ADCY10: variants seen among roughly 807,000 people sequenced by gnomAD.
ADCY10 encodes adenylate cyclase 10.
ADCY10 carries 156 observed loss-of-function variants against 183.3 expected under a neutral mutation model. The observed-to-expected ratio is 0.85, with a 90% CI of 0.75 to 0.97. The LOEUF is 0.97. ADCY10 is among the 50% of genes least tolerant of loss of function. The pLI is 0.00. For missense variants in ADCY10, 1,745 were observed against 1,934.3 expected (o/e 0.90, Z 1.84); for synonymous variants, 645 against 670.0 (o/e 0.96, Z 0.58).
At chr1:167,818,909 A>G (rs530894602) in intron 30 of ADCY10, among the ~76,000 whole-genome samples, 12 of 152,306 alleles carry the variant, frequency 7.9e-5, no homozygotes, top group Non-Finnish European at 1.2e-4. Context: ...GCTTGAAGAA[A>G]TTGTTCCAAT....
intron 8 of ADCY10, among the ~76,000 whole-genome samples, chr1:167,893,078 G>C (rs1668711105): frequency 6.6e-6 from 1 of 152,206 alleles, no homozygotes; most frequent in African/African-American, 2.4e-5. Flanking sequence ...AAATTTGAGA[G>C]AACCAAGATT....
At chr1:167,902,387 T>C (rs1315048815) in intron 3 of ADCY10, among the ~76,000 whole-genome samples, 1 of 152,190 alleles carries the variant, frequency 6.6e-6, no homozygotes, top group Non-Finnish European at 1.5e-5. Flanking sequence ...TATTGATCAA[T>C]ATATGTTATA....
intron 14 of ADCY10, among the ~76,000 whole-genome samples, chr1:167,865,605 G>C (rs1461304671): frequency 6.6e-6 from 1 of 152,124 alleles, no homozygotes; most frequent in Non-Finnish European, 1.5e-5. Flanking sequence ...ATAAAATGGT[G>C]TTTAGCTTTC....
intron 1 of ADCY10, among the ~76,000 whole-genome samples, chr1:167,908,833 T>A (rs1269108280): frequency 6.6e-6 from 1 of 152,236 alleles, no homozygotes; most frequent in East Asian, 1.9e-4. Flanking sequence ...TTAGAGTTTT[T>A]AACAAAATCA....
In ADCY10 at chr1:167,832,976, C is replaced by A. The variant is rs201009937; in HGVS notation, c.3593+11G>T. Reference sequence around the variant, plus strand: ...ACTAAACAGTCTGCTCTCCCCAGCTCCTTCCCTTACCCTGGAGGTGGGCTC... The same window carrying A: ...ACTAAACAGTCTGCTCTCCCCAGCTACTTCCCTTACCCTGGAGGTGGGCTC... On this transcript the variant is annotated intron_variant, in intron 25 of 32. Transcript: ENST00000367851. 1.9e-6 allele frequency: 3 copies of A among 1,613,274 alleles called. No homozygotes were observed. The highest frequency in any genetic ancestry group is 2.5e-6 in the Non-Finnish European group (3 of 1,179,788).
Position 167,826,052 on chromosome 1 carries a change from G to A in ADCY10, c.3751-1197C>T, listed in dbSNP as rs535797629. On this transcript the variant is annotated intron_variant, in intron 26 of 32. Transcript: ENST00000367851. ...GTCGGGGAAGTGTTTTAGAGTAGAG[G>A]CTTTTTTCTTGGAATTCCTCAGATG... Among the ~76,000 whole-genome samples, 26 of 152,314 alleles carry A rather than the reference G, an allele frequency of 1.7e-4. 2 individuals are homozygous for A. The South Asian group carries it at 5.0e-3, about 29-fold the overall frequency.
chr1:167,859,941 G>C (rs776269295), intron 15 of ADCY10, 48 bp from the exon 16 acceptor site: 1 of 1,391,426 alleles, frequency 7.2e-7, no homozygotes, highest in South Asian at 1.2e-5. Flanking sequence ...ATAGCAAAGG[G>C]AACTACTGGC....
Position 167,836,507 on chromosome 1 carries a change from GA to G in ADCY10, c.3110del (p.Phe1037SerfsTer6). 6.2e-7 allele frequency: 1 copy of G among 1,613,232 alleles called. No individual in the cohort carries two copies. Among genetic ancestry groups the G allele is most frequent in the African/African-American group, 1.3e-5 (1 of 75,038 alleles). ...PEEIREKILN[F>X]FDHVLTKMKT... ...TCATTTTTGTTAAAACGTGGTCAAA[GA>G]AATTCAAGATCTTTTCTCTTATTTC... is the stretch of plus-strand genomic sequence containing the variant. On this transcript the variant is annotated frameshift_variant, in exon 23 of 33. Transcript: ENST00000367851. LOFTEE classifies it high-confidence loss of function.
At chr1:167,854,829 A>G (rs1041103469) in intron 17 of ADCY10, among the ~76,000 whole-genome samples, 1 of 152,146 alleles carries the variant, frequency 6.6e-6, no homozygotes, top group African/African-American at 2.4e-5. Context: ...TAATTTAAAC[A>G]GAGAGAGGGG....
At chr1:167,820,491 C>T in intron 30 of ADCY10, 1 of 392,834 alleles carries the variant, frequency 2.5e-6, no homozygotes, top group Non-Finnish European at 4.5e-6. Flanking sequence ...AATTCTCCTG[C>T]TGAGATAGAC....
At chr1:167,851,430 G>A (rs901022102) in intron 18 of ADCY10, among the ~76,000 whole-genome samples, 9 of 152,062 alleles carry the variant, frequency 5.9e-5, no homozygotes, top group South Asian at 4.1e-4. Flanking sequence ...CAAGCAATCC[G>A]CCCGCCTCAG....
intron 6 of ADCY10, 57 bp downstream of exon 6, chr1:167,899,365 CA>C: frequency 1.3e-6 from 2 of 1,551,646 alleles, no homozygotes; most frequent in Non-Finnish European, 1.8e-6. Context: ...ACTCTTCTGG[CA>C]GGGGGCCTCT....
rs1194068966 is a variant in ADCY10, at chr1:167,859,790, C to T, written c.1896+17G>A. 7 of 1,601,620 alleles carry T rather than the reference C, an allele frequency of 4.4e-6. No individual in the cohort carries two copies. The highest frequency in any genetic ancestry group is 6.0e-6 in the Non-Finnish European group (7 of 1,168,724). On this transcript the variant is annotated intron_variant, in intron 16 of 32. Transcript: ENST00000367851. ...CAGTTTTCTTCCCCCTACTTCTTGA[C>T]CCACAGATGCTCTTACCAGCTTCAA... is the stretch of plus-strand genomic sequence containing the variant.
intron 11 of ADCY10, among the ~76,000 whole-genome samples, chr1:167,878,837 AG>A (rs1278432732): frequency 6.6e-6 from 1 of 152,194 alleles, no homozygotes; most frequent in African/African-American, 2.4e-5. Flanking sequence ...CCATTAGCAA[AG>A]TTTCTGCCTC....
intron 14 of ADCY10, among the ~76,000 whole-genome samples, chr1:167,869,222 T>C (rs1406462832): frequency 6.6e-6 from 1 of 152,176 alleles, no homozygotes; most frequent in Non-Finnish European, 1.5e-5. Flanking sequence ...ATAATAGTAA[T>C]AGAAACCTGC....
At chr1:167,814,757 T>C (rs941772594) in intron 31 of ADCY10, among the ~76,000 whole-genome samples, 1 of 152,182 alleles carries the variant, frequency 6.6e-6, no homozygotes, top group Non-Finnish European at 1.5e-5. Context: ...ATTAGAAATG[T>C]ATTTCATACC....
chr1:167,840,612 T>A (rs1169334532), intron 21 of ADCY10, among the ~76,000 whole-genome samples: 1 of 152,070 alleles, frequency 6.6e-6, no homozygotes. Flanking sequence ...TGCCTCGGCC[T>A]CACAAAGTGC....
chr1:167,907,787 T>C (rs959808681), intron 1 of ADCY10, among the ~76,000 whole-genome samples: 3 of 152,220 alleles, frequency 2.0e-5, no homozygotes, highest in Non-Finnish European at 2.9e-5. Flanking sequence ...AATGTATATA[T>C]TGACTTTAAG....
chr1:167,836,903 T>C lies in ADCY10; in HGVS notation c.3077+346A>G, dbSNP rs993072117. ...AGCCGGGTGTGGTGGCAGGCGCCTG[T>C]AGTCCCAGTTATTCAGGAGGCTGAG... is the stretch of plus-strand genomic sequence containing the variant. On this transcript the variant is annotated intron_variant, in intron 22 of 32. Transcript: ENST00000367851. 9 of 354,604 alleles carry C rather than the reference T, an allele frequency of 2.5e-5. No individual in the cohort carries two copies. In the East Asian group the frequency reaches 6.5e-4, roughly 26 times the overall value. The allele number at this position is 354,604 out of a possible 1,614,324, so 22.0% of individuals were successfully genotyped here.
Sources: gnomAD v4.1 joint callset for allele counts (sites outside exome capture counted in the v4.1 genomes callset) on GRCh38, gnomAD v4.1.1 for gene constraint, MANE v1.5 for transcripts, NCBI Gene and HGNC (gene_info 2026-07-23, HGNC 2026-07-21) for gene names.